Variants in BCAS3 observed in about 807,000 individuals in gnomAD.
BCAS3 encodes BCAS3 microtubule associated cell migration factor.
BCAS3 carries 53 observed loss-of-function variants against 116.1 expected under a neutral mutation model. The observed-to-expected ratio is 0.46, with a 90% CI of 0.37 to 0.57. The LOEUF (loss-of-function observed/expected upper bound fraction) is 0.57. Among genes scored for constraint, BCAS3 ranks in the 20% least tolerant of loss-of-function variants. BCAS3 has a pLI of 0.00. For missense variants in BCAS3, 917 were observed against 1,165.4 expected, an observed-to-expected ratio of 0.79 and a Z score of 3.10; for synonymous variants, 391 against 408.2, an observed-to-expected ratio of 0.96 and a Z score of 0.51.
At position 61,214,017 on chromosome 17, in the gene BCAS3, G is replaced by C. The variant is rs951944443; in HGVS notation, c.2425+129453G>C. Among the ~76,000 whole-genome samples the C allele has an allele frequency of 6.6e-6, 1 of 152,064 alleles. No homozygotes were observed. Among genetic ancestry groups the C allele is most frequent in the Non-Finnish European group, 1.5e-5 (1 of 68,010 alleles). ...GGGGGCTTCACTGCACAGTAGGCTGGAGATTCTACCTAACCTCACAGGACT... is the reference window on the plus strand; with the variant it reads ...GGGGGCTTCACTGCACAGTAGGCTGCAGATTCTACCTAACCTCACAGGACT... On this transcript the variant is annotated intron_variant, in intron 22 of 23. Transcript: ENST00000407086. The surrounding 1 kb of genome is among the most constrained non-coding windows in gnomAD (Gnocchi z 4.4).
chr17:60,926,986 T>G (rs1340528507), intron 13 of BCAS3, among the ~76,000 whole-genome samples: 1 of 152,212 alleles, frequency 6.6e-6, no homozygotes, highest in African/African-American at 2.4e-5. Flanking sequence ...TTTGTGACAA[T>G]CATTTGTTTA....
intron 7 of BCAS3, among the ~76,000 whole-genome samples, chr17:60,814,482 G>T (rs2049183281): frequency 6.6e-6 from 1 of 151,830 alleles, no homozygotes. Context: ...GGTCTTCTAG[G>T]TATATAATCA....
chr17:60,958,653 A>G (rs553670268), intron 14 of BCAS3, among the ~76,000 whole-genome samples: 1 of 152,382 alleles, frequency 6.6e-6, no homozygotes, highest in African/African-American at 2.4e-5. Context: ...ATCTGCATCA[A>G]CATCCCAGCA....
chr17:60,714,057 G>A (rs951820201), intron 5 of BCAS3, among the ~76,000 whole-genome samples: 3 of 151,988 alleles, frequency 2.0e-5, no homozygotes, highest in African/African-American at 7.2e-5. Context: ...GGCTGGTTTC[G>A]AACTCCTGAC....
chr17:60,976,482 C>T (rs999309996), intron 14 of BCAS3, among the ~76,000 whole-genome samples: 8 of 150,602 alleles, frequency 5.3e-5, no homozygotes, highest in Admixed American at 1.3e-4. Context: ...GGGTGTTTCT[C>T]GGAGAGGGGG....
rs1050669261 is a variant in BCAS3 at position 61,323,050 on chromosome 17, T to C, written c.2426-45277T>C. ...GCCTTTTGAAAGTGCCACAGTTAATTTGATTGAGCTGCTAAGCAGTTGGTT... is the reference window on the plus strand; with the variant it reads ...GCCTTTTGAAAGTGCCACAGTTAATCTGATTGAGCTGCTAAGCAGTTGGTT... On this transcript the variant is annotated intron_variant, in intron 22 of 23. Coordinates refer to ENST00000407086, the MANE Select transcript of BCAS3 (RefSeq NM_017679.5). This position sits in a 1 kb window ranked among gnomAD's most constrained non-coding sequence, Gnocchi z 4.6. Among the ~76,000 whole-genome samples, 1 of 151,816 alleles carries C rather than the reference T, an allele frequency of 6.6e-6. No individual in the cohort carries two copies. Among genetic ancestry groups the C allele is most frequent in the Non-Finnish European group, 1.5e-5 (1 of 67,982 alleles).
At position 61,380,341 on chromosome 17, in the gene BCAS3, A is replaced by G. The variant is rs1481677683; in HGVS notation, c.2594-11636A>G. On this transcript the variant is annotated intron_variant, in intron 23 of 23. Transcript: ENST00000407086. The surrounding 1 kb of genome is among the most constrained non-coding windows in gnomAD (Gnocchi z 4.2). The stretch of plus-strand genomic sequence containing the variant: ...GTTTAGGCTAGTGAGAAATCTGTAA[A>G]ACCCTAGATGTGCTGTGCCTGGGAA... 9 of 642,594 alleles carry G rather than the reference A, an allele frequency of 1.4e-5. No individual in the cohort carries two copies. The highest frequency in any genetic ancestry group is 2.5e-5 in the Non-Finnish European group (9 of 362,380). 39.8% of individuals were successfully genotyped at this position (642,594 alleles called of 1,614,324 possible).
intron 14 of BCAS3, among the ~76,000 whole-genome samples, chr17:60,949,485 A>T (rs1461225605): frequency 1.3e-5 from 2 of 152,068 alleles, no homozygotes; most frequent in African/African-American, 4.8e-5. Flanking sequence ...TGTGTTGCCC[A>T]GGCCAGTCTC....
intron 7 of BCAS3, among the ~76,000 whole-genome samples, chr17:60,823,153 GT>G (rs977434378): frequency 2.2e-4 from 33 of 152,246 alleles, no homozygotes; most frequent in African/African-American, 7.7e-4. Context: ...GTTTTGCTTT[GT>G]TTATATATGC....
intron 14 of BCAS3, among the ~76,000 whole-genome samples, chr17:60,977,486 T>C (rs773625968): frequency 9.3e-5 from 14 of 150,574 alleles, no homozygotes; most frequent in Non-Finnish European, 1.9e-4. Flanking sequence ...CGGAAGCACT[T>C]TCTTTTTATT....
At chr17:61,266,708 G>A (rs1270658593) in intron 22 of BCAS3, among the ~76,000 whole-genome samples, 2 of 152,100 alleles carry the variant, frequency 1.3e-5, no homozygotes, top group African/African-American at 4.8e-5. Flanking sequence ...ATGACTCACA[G>A]CCCTTTGCAC....
At chr17:60,691,698 A>T (rs761831636) in intron 4 of BCAS3, among the ~76,000 whole-genome samples, 11 of 151,290 alleles carry the variant, frequency 7.3e-5, no homozygotes, top group Non-Finnish European at 1.0e-4. Flanking sequence ...CTTTTCCTTA[A>T]AGACTTTTCA....
At chr17:60,910,492 T>TA in intron 11 of BCAS3, 40 bp from the exon 12 acceptor site, 1 of 1,478,638 alleles carries the variant, frequency 6.8e-7, no homozygotes, top group Non-Finnish European at 9.1e-7. Context: ...AGAATCCAAA[T>TA]ACTGATGTGA....
chr17:60,786,547 G>GTATATATATATATATATATATA (rs72319489), intron 6 of BCAS3, among the ~76,000 whole-genome samples: 62 of 140,734 alleles, frequency 4.4e-4, no homozygotes, highest in African/African-American at 1.4e-3. Flanking sequence ...CTGCAAATGT[G>GTATATATATATATATATATATA]TATATATATA....
intron 10 of BCAS3, among the ~76,000 whole-genome samples, chr17:60,900,989 A>G (rs1039368120): frequency 6.6e-6 from 1 of 151,988 alleles, no homozygotes; most frequent in African/African-American, 2.4e-5. Context: ...CTGGTGCATC[A>G]CTTGAGGCCA....
intron 7 of BCAS3, among the ~76,000 whole-genome samples, chr17:60,846,004 C>T (rs1388822923): frequency 6.6e-6 from 1 of 151,972 alleles, no homozygotes; most frequent in Non-Finnish European, 1.5e-5. Context: ...TCTTGGCTCA[C>T]TGCAGCCCCA....
intron 5 of BCAS3, among the ~76,000 whole-genome samples, chr17:60,723,695 CT>C (rs1369834181): frequency 7.2e-6 from 1 of 138,184 alleles, no homozygotes; most frequent in Non-Finnish European, 1.6e-5. Flanking sequence ...GCTATTGTTA[CT>C]TTTTCACTTT....
chr17:61,198,145 C>CT lies in BCAS3; in HGVS notation c.2425+113594dup, dbSNP rs1185530206. On this transcript the variant is annotated intron_variant, in intron 22 of 23. Transcript: ENST00000407086. This position sits in a 1 kb window ranked among gnomAD's most constrained non-coding sequence, Gnocchi z 5.0. ...AGTGCAAGATATGTTTTTTTTTTTT[C>CT]TTTTTTTTTTTTTGAGACGGAGTCT... 4.3e-4 allele frequency among the ~76,000 whole-genome samples: 51 copies of CT among 118,468 alleles called. No homozygotes were observed. Among genetic ancestry groups the CT allele is most frequent in the East Asian group, 9.8e-4 (4 of 4,100 alleles). The allele number at this position is 118,468 out of a possible 152,430, so 77.7% of individuals were successfully genotyped here. A position where few individuals can be genotyped will look rare whatever the true frequency, so the allele number is the denominator to read the frequency against.
At chr17:61,160,701 G>A (rs991447579) in intron 22 of BCAS3, among the ~76,000 whole-genome samples, 3 of 152,108 alleles carry the variant, frequency 2.0e-5, no homozygotes, top group South Asian at 2.1e-4. Context: ...AAAGGTCATG[G>A]TCTTACTACT....
Sources: allele counts gnomAD v4.1 joint callset (sites outside exome capture counted in the v4.1 genomes callset), GRCh38; gene constraint gnomAD v4.1.1; non-coding constraint Gnocchi (gnomAD v3.1); transcripts MANE v1.5; gene names NCBI Gene and HGNC (gene_info 2026-07-23, HGNC 2026-07-21).